Variants in MYO18B observed in about 807,000 individuals in gnomAD.
MYO18B encodes the protein unconventional myosin-XVIIIb.
MYO18B carries 204 observed loss-of-function variants against 273.0 expected under a neutral mutation model. The ratio of observed to expected loss-of-function variants is 0.75; its 90% CI spans 0.67 to 0.84. The LOEUF is 0.84. Ranked by LOEUF, MYO18B falls within the 40% of genes least tolerant of loss-of-function variation. MYO18B has a pLI of 0.00. For synonymous variants in MYO18B, 1,330 were observed against 1,305.7 expected (o/e 1.02, Z -0.40); for missense variants, 3,212 against 3,287.6 (o/e 0.98, Z 0.56).
At chr22:26,035,920 G>A (rs552012992), downstream of MYO18B, among the ~76,000 whole-genome samples, 8 of 152,324 alleles carry the variant, frequency 5.3e-5, no homozygotes, top group African/African-American at 1.7e-4. Context: ...ACTCAGATAA[G>A]CCAAATGTAC....
chr22:25,785,405 C>T (rs1472705701), intron 10 of MYO18B, 23 bp from the exon 11 acceptor site: 1 of 1,596,898 alleles, frequency 6.3e-7, no homozygotes, highest in Non-Finnish European at 8.5e-7. Flanking sequence ...CCCCCTGACT[C>T]CTGGTTCCTT....
intron 34 of MYO18B, among the ~76,000 whole-genome samples, chr22:25,929,980 C>T (rs994758043): frequency 3.9e-5 from 6 of 152,132 alleles, no homozygotes; most frequent in Non-Finnish European, 7.3e-5. Flanking sequence ...TTGACCTACA[C>T]GGATGCATAT....
chr22:25,771,456 T>C (rs1457146823), intron 6 of MYO18B, among the ~76,000 whole-genome samples: 2 of 152,234 alleles, frequency 1.3e-5, no homozygotes, highest in African/African-American at 2.4e-5. Flanking sequence ...GCTTTGCTCT[T>C]TAAATTGCTT....
chr22:25,923,781 A>C (rs951893742), intron 34 of MYO18B, among the ~76,000 whole-genome samples: 1 of 152,100 alleles, frequency 6.6e-6, no homozygotes, highest in Non-Finnish European at 1.5e-5. Flanking sequence ...TTTCCATCAA[A>C]ATGTCCCCAG....
the MYO18B span, among the ~76,000 whole-genome samples, chr22:26,043,610 T>C: frequency 1.3e-5 from 2 of 151,284 alleles, no homozygotes; most frequent in East Asian, 1.9e-4. Flanking sequence ...TCCCGGGTTC[T>C]TGCAATTCTC....
At chr22:25,934,849 TTC>T (rs1282620221) in intron 34 of MYO18B, among the ~76,000 whole-genome samples, 1 of 152,162 alleles carries the variant, frequency 6.6e-6, no homozygotes, top group Non-Finnish European at 1.5e-5. Context: ...AGCTTGAATT[TTC>T]TGTCTAGCTT....
intron 10 of MYO18B, among the ~76,000 whole-genome samples, chr22:25,782,156 T>A (rs537868319): frequency 1.3e-3 from 192 of 152,328 alleles, no homozygotes; most frequent in African/African-American, 4.3e-3. Context: ...CCTCGGTTTC[T>A]TCCTTTGTAA....
chr22:25,997,444 C>A (rs576890389), intron 40 of MYO18B, among the ~76,000 whole-genome samples: 5 of 152,166 alleles, frequency 3.3e-5, no homozygotes, highest in South Asian at 2.1e-4. Context: ...GGGTCGCAAG[C>A]CCCTGAAGCC....
At chr22:25,783,788 A>T (rs2087261628) in intron 10 of MYO18B, among the ~76,000 whole-genome samples, 1 of 152,178 alleles carries the variant, frequency 6.6e-6, no homozygotes, top group South Asian at 2.1e-4. Flanking sequence ...CTCTGAGAGG[A>T]AGAGGTGGCC....
At chr22:25,938,760 G>A (rs541528688) in intron 34 of MYO18B, among the ~76,000 whole-genome samples, 1 of 152,306 alleles carries the variant, frequency 6.6e-6, no homozygotes, top group East Asian at 1.9e-4. Flanking sequence ...CTGTCACAGG[G>A]TTTTGGGTGG....
chr22:25,922,634 C>CA (rs1236391383), intron 34 of MYO18B, among the ~76,000 whole-genome samples: 2 of 152,162 alleles, frequency 1.3e-5, no homozygotes, highest in East Asian at 3.9e-4. Context: ...TCCCTTCCTC[C>CA]AGTCAGAGGC....
chr22:25,862,394 A>T (rs1046539461), intron 21 of MYO18B, among the ~76,000 whole-genome samples: 1 of 152,136 alleles, frequency 6.6e-6, no homozygotes, highest in Non-Finnish European at 1.5e-5. Context: ...ACATTTTCCT[A>T]TGTGTTTTTG....
At chr22:26,013,878 A>T (rs1935103210) in intron 42 of MYO18B, among the ~76,000 whole-genome samples, 1 of 152,020 alleles carries the variant, frequency 6.6e-6, no homozygotes, top group Non-Finnish European at 1.5e-5. Flanking sequence ...TTTTGTATTG[A>T]TCTGTAGTTC....
chr22:25,795,006 T>C (rs563638768), intron 11 of MYO18B, among the ~76,000 whole-genome samples: 1 of 152,334 alleles, frequency 6.6e-6, no homozygotes, highest in South Asian at 2.1e-4. Flanking sequence ...CAGAAGCACA[T>C]GGGATGCAGG....
At position 25,926,767 on chromosome 22, in the gene MYO18B, C is replaced by A. The variant is rs6004834; in HGVS notation, c.5517+5358C>A. On this transcript the variant is annotated intron_variant, in intron 34 of 43. Coordinates refer to ENST00000335473, the MANE Select transcript of MYO18B (RefSeq NM_032608.7). ...TCTCTGCCCTTAAGGGGCTCCTAGT[C>A]CTAGAAGCAGGCTATAACAAGCAGA... Among the ~76,000 whole-genome samples, 1,015 of 152,272 alleles carry A rather than the reference C, an allele frequency of 6.7e-3. 11 individuals carry two copies. The highest frequency in any genetic ancestry group is 0.023 in the African/African-American group (975 of 41,524).
chr22:25,770,786 T>C (rs1473134586), intron 5 of MYO18B, 86 bp from the exon 6 acceptor site: 2 of 948,912 alleles, frequency 2.1e-6, no homozygotes, highest in Non-Finnish European at 3.3e-6. Context: ...GCTTAGAGCC[T>C]CTCTTATCTC....
chr22:25,795,227 T>C (rs2087858487), intron 11 of MYO18B, among the ~76,000 whole-genome samples: 1 of 152,256 alleles, frequency 6.6e-6, no homozygotes. Context: ...TCTGTTTTCA[T>C]GATTTTGATC....
At chr22:25,822,559 G>A (rs1306883985) in intron 12 of MYO18B, among the ~76,000 whole-genome samples, 1 of 152,170 alleles carries the variant, frequency 6.6e-6, no homozygotes. Context: ...GTCACATGAG[G>A]GGAGCTCAGT....
chr22:25,835,557 A>G lies in MYO18B; in HGVS notation c.3208+114A>G, dbSNP rs2072002. 0.068 allele frequency: 89,389 copies of G among 1,314,110 alleles called. 6,959 individuals are homozygous for G. The highest frequency in any genetic ancestry group is 0.34 in the African/African-American group (23,489 of 68,182). The allele number at this position is 1,314,110 out of a possible 1,614,324, so 81.4% of individuals were successfully genotyped here. On this transcript the variant is annotated intron_variant, in intron 17 of 43. Coordinates refer to ENST00000335473, the MANE Select transcript of MYO18B (RefSeq NM_032608.7). ...GGCCTGCACAGAGGCTCCAACGTGC[A>G]GAGGTGAATGTGCATGAGCCTGTGT... is the stretch of plus-strand genomic sequence containing the variant.
Sources: gnomAD v4.1 joint callset for allele counts (sites outside exome capture counted in the v4.1 genomes callset) on GRCh38, gnomAD v4.1.1 for gene constraint, MANE v1.5 for transcripts, NCBI Gene and HGNC (gene_info 2026-07-23, HGNC 2026-07-21) for gene names.